Variants in PCDHA3 observed in about 807,000 individuals in gnomAD.
PCDHA3 encodes the protein protocadherin alpha 3, also known as protocadherin alpha-3.
PCDHA3 carries 41 observed loss-of-function variants against 62.2 expected under a neutral mutation model. The observed-to-expected ratio is 0.66, with a 90% confidence interval of 0.51 to 0.86. The LOEUF is 0.86. PCDHA3 is among the 40% of genes least tolerant of loss of function. The pLI, the probability that PCDHA3 is intolerant of heterozygous loss-of-function variation, is 0.00. For synonymous variants in PCDHA3, 640 were observed against 555.4 expected (o/e 1.15, Z -2.14); for missense variants, 1,304 against 1,241.2 (o/e 1.05, Z -0.76).
intron 1 of PCDHA3, among the ~76,000 whole-genome samples, chr5:140,896,002 G>A (rs1485647299): frequency 1.3e-5 from 2 of 152,082 alleles, no homozygotes; most frequent in Non-Finnish European, 2.9e-5. Flanking sequence ...GTAGAGACAG[G>A]GTTTCTCCAT....
rs201902460 is a variant in PCDHA3 at position 140,856,564 on chromosome 5, T to G, written c.2394+52973T>G. 3.5e-5 allele frequency: 56 copies of G among 1,597,706 alleles called. 2 individuals are homozygous for G. The highest frequency in any genetic ancestry group is 8.8e-5 in the South Asian group (8 of 90,522). Reference sequence around the variant, plus strand: ...ACGCATTGCTTACTTACAAACTCAGTCCAAATGAGTATTTTGTTCTTGATA... The same window carrying G: ...ACGCATTGCTTACTTACAAACTCAGGCCAAATGAGTATTTTGTTCTTGATA... On this transcript the variant is annotated intron_variant, in intron 1 of 3. Transcript: ENST00000522353.
At chr5:140,882,212 G>A in intron 1 of PCDHA3, 1 of 1,539,436 alleles carries the variant, frequency 6.5e-7, no homozygotes. Context: ...TTGAGAGACA[G>A]TTTGAGGTAA....
At chr5:140,871,567 A>AT (rs1441824086) in intron 1 of PCDHA3, 49 of 1,482,936 alleles carry the variant, frequency 3.3e-5, no homozygotes, top group Non-Finnish European at 3.9e-5. Flanking sequence ...TTTTTCACGG[A>AT]TTTTTTAAGG....
At chr5:140,927,564 G>T (rs868927450) in intron 1 of PCDHA3, 1 of 1,614,150 alleles carries the variant, frequency 6.2e-7, no homozygotes. Context: ...TCATTGTGGT[G>T]GACACAAATG....
chr5:140,951,863 C>T (rs991949987), intron 1 of PCDHA3, among the ~76,000 whole-genome samples: 10 of 152,096 alleles, frequency 6.6e-5, no homozygotes, highest in Non-Finnish European at 7.3e-5. Flanking sequence ...TCCAAAGTCT[C>T]ATCTGAGACA....
intron 2 of PCDHA3, among the ~76,000 whole-genome samples, chr5:140,980,713 C>A (rs1034858406): frequency 1.3e-5 from 2 of 151,364 alleles, no homozygotes; most frequent in Non-Finnish European, 2.9e-5. Context: ...TGCTCCTATT[C>A]GGGTTTCAAT....
At chr5:140,950,580 C>T (rs2094499075) in intron 1 of PCDHA3, among the ~76,000 whole-genome samples, 1 of 151,958 alleles carries the variant, frequency 6.6e-6, no homozygotes, top group South Asian at 2.1e-4. Context: ...TTTCTACTTA[C>T]CTTTGGTTTA....
intron 1 of PCDHA3, among the ~76,000 whole-genome samples, chr5:140,942,621 A>T (rs1038877515): frequency 1.5e-3 from 44 of 29,368 alleles, no homozygotes; most frequent in African/African-American, 6.9e-3. Flanking sequence ...GCCAATTGTA[A>T]AAAAAAAAAT....
At chr5:140,851,449 A>G in intron 1 of PCDHA3, 2 of 913,694 alleles carry the variant, frequency 2.2e-6, no homozygotes, top group Middle Eastern at 5.7e-4. Flanking sequence ...GCTCCACTTT[A>G]GGAATCAAAT....
intron 1 of PCDHA3, chr5:140,928,032 T>C (rs369075554): frequency 6.2e-7 from 1 of 1,614,216 alleles, no homozygotes; most frequent in African/African-American, 1.3e-5. Flanking sequence ...GTGGCATGTC[T>C]AGTGCAGGCC....
At chr5:140,882,776 T>C in intron 1 of PCDHA3, 2 of 1,614,252 alleles carry the variant, frequency 1.2e-6, no homozygotes, top group Non-Finnish European at 1.7e-6. Context: ...GGCATTGACC[T>C]ACCGACTGGA....
At position 140,843,610 on chromosome 5, in the gene PCDHA3, G is replaced by C; in HGVS notation, c.2394+40019G>C. 5.6e-6 allele frequency: 9 copies of C among 1,595,980 alleles called. 1 individual carries two copies. The highest frequency in any genetic ancestry group is 7.7e-6 in the Non-Finnish European group (9 of 1,165,482). On this transcript the variant is annotated intron_variant, in intron 1 of 3. Transcript: ENST00000522353. Reference sequence around the variant, plus strand: ...CGCAGAGGGTGTGCTCTGGTGAGGGGCCACCGAAGACGGACCTCATGGCCT... The same window carrying C: ...CGCAGAGGGTGTGCTCTGGTGAGGGCCCACCGAAGACGGACCTCATGGCCT...
At chr5:140,924,484 A>G (rs1198741385) in intron 1 of PCDHA3, among the ~76,000 whole-genome samples, 1 of 152,184 alleles carries the variant, frequency 6.6e-6, no homozygotes, top group Non-Finnish European at 1.5e-5. Flanking sequence ...TTTTAGTGGA[A>G]CACTGGCATT....
chr5:140,893,636 G>A (rs2064097174), intron 1 of PCDHA3, among the ~76,000 whole-genome samples: 1 of 152,170 alleles, frequency 6.6e-6, no homozygotes, highest in Non-Finnish European at 1.5e-5. Flanking sequence ...GCTTGGTATA[G>A]TATTTTTGGC....
intron 1 of PCDHA3, among the ~76,000 whole-genome samples, chr5:140,918,920 G>A (rs1470075085): frequency 6.6e-6 from 1 of 152,204 alleles, no homozygotes; most frequent in Non-Finnish European, 1.5e-5. Context: ...TAACTACACA[G>A]CATATGGCAT....
intron 1 of PCDHA3, among the ~76,000 whole-genome samples, chr5:140,947,645 A>AT (rs2094157342): frequency 6.6e-6 from 1 of 151,670 alleles, no homozygotes; most frequent in East Asian, 1.9e-4. Context: ...GTATGAACAT[A>AT]TATACCTCCA....
At chr5:140,882,556 T>C (rs367760301) in intron 1 of PCDHA3, 103 of 1,614,070 alleles carry the variant, frequency 6.4e-5, no homozygotes, top group African/African-American at 9.3e-5. Flanking sequence ...AGGAGCTGTG[T>C]GGGCGGAGCG....
chr5:141,010,802 G>A lies in PCDHA3; in HGVS notation c.*865G>A, dbSNP rs1323558356. On this transcript the variant is annotated 3_prime_UTR_variant, in exon 4 of 4. Coordinates refer to ENST00000522353, the MANE Select transcript of PCDHA3 (RefSeq NM_018906.3). ...TTATGCAAAAGCAAAAGAAAACCCC[G>A]ACACCTCACCTTTCGCTGTTTGTTG... 6.5e-6 allele frequency: 1 copy of A among 153,554 alleles called. No homozygotes were observed. The highest frequency in any genetic ancestry group is 1.5e-5 in the Non-Finnish European group (1 of 68,024). The allele number at this position is 153,554 out of a possible 1,614,324, so 9.5% of individuals were successfully genotyped here. A position where few individuals can be genotyped will look rare whatever the true frequency, so the allele number is the denominator to read the frequency against.
At chr5:140,870,796 C>T in intron 1 of PCDHA3, 1 of 1,613,694 alleles carries the variant, frequency 6.2e-7, no homozygotes, top group Non-Finnish European at 8.5e-7. Flanking sequence ...GCCGGCACTG[C>T]TGGCGACTCA....
Sources: gnomAD v4.1 joint callset for allele counts (sites outside exome capture counted in the v4.1 genomes callset) on GRCh38, gnomAD v4.1.1 for gene constraint, MANE v1.5 for transcripts, NCBI Gene and HGNC (gene_info 2026-07-23, HGNC 2026-07-21) for gene names.